CSN1S1: variants seen among roughly 807,000 people sequenced by gnomAD.
CSN1S1 encodes the protein alpha-S1-casein.
A neutral mutation model predicts 49.1 loss-of-function variants in CSN1S1; 63 were observed. That is an observed-to-expected ratio of 1.28 (90% CI 1.05 to 1.58). The LOEUF (loss-of-function observed/expected upper bound fraction) is 1.58. Among genes scored for constraint, CSN1S1 ranks in the 40% most tolerant of loss-of-function variants. The pLI, the probability that CSN1S1 is intolerant of heterozygous loss-of-function variation, is 0.00. For synonymous variants in CSN1S1, 78 were observed against 67.1 expected (o/e 1.16, Z -0.79); for missense variants, 260 against 224.7 (o/e 1.16, Z -1.01).
chr4:69,935,916 T>C lies in CSN1S1; in HGVS notation c.106-10T>C, dbSNP rs774526051. ...ATGAATGAATTTTAACATAACTTTTTTTTTTGTAGCCTATACCATTAGAAT... is the reference window on the plus strand; with the variant it reads ...ATGAATGAATTTTAACATAACTTTTCTTTTTGTAGCCTATACCATTAGAAT... On this transcript the variant is annotated splice_polypyrimidine_tract_variant and intron_variant, in intron 4 of 15. Transcript: ENST00000246891. 38 of 1,515,278 alleles carry C rather than the reference T, an allele frequency of 2.5e-5. No individual in the cohort carries two copies. The African/African-American group carries it at 4.3e-4, about 17-fold the overall frequency. 93.9% of individuals were successfully genotyped at this position (1,515,278 alleles called of 1,614,324 possible). A position where few individuals can be genotyped will look rare whatever the true frequency, so the allele number is the denominator to read the frequency against.
At chr4:69,937,629 C>G (rs938432980) in intron 8 of CSN1S1, among the ~76,000 whole-genome samples, 171 bp from the exon 9 acceptor site, 1 of 151,692 alleles carries the variant, frequency 6.6e-6, no homozygotes, top group African/African-American at 2.4e-5. Flanking sequence ...CTTCAAAATG[C>G]AGATTCATTT....
chr4:69,934,977 A>G (rs1469969060), intron 4 of CSN1S1, among the ~76,000 whole-genome samples: 1 of 152,136 alleles, frequency 6.6e-6, no homozygotes, highest in Non-Finnish European at 1.5e-5. Flanking sequence ...TTTAGATTGT[A>G]AAATTAGATC....
chr4:69,931,915 A>C (rs541369998), intron 1 of CSN1S1, among the ~76,000 whole-genome samples: 1 of 151,970 alleles, frequency 6.6e-6, no homozygotes. Context: ...ATCCAATTCA[A>C]TCATCTTTAT....
At chr4:69,938,270 T>C (rs539201606) in intron 9 of CSN1S1, among the ~76,000 whole-genome samples, 105 of 151,868 alleles carry the variant, frequency 6.9e-4, no homozygotes, top group African/African-American at 2.2e-3. Flanking sequence ...TAGACACAGG[T>C]AGTGAGCATA....
chr4:69,946,058 T>C (rs1723155248), intron 15 of CSN1S1, 138 bp from the exon 16 acceptor site: 1 of 329,326 alleles, frequency 3.0e-6, no homozygotes, highest in South Asian at 1.3e-4. Context: ...GGTATGTCAG[T>C]AACAGGAAAG....
chr4:69,938,647 T>C (rs1722882743), intron 9 of CSN1S1, among the ~76,000 whole-genome samples: 1 of 151,782 alleles, frequency 6.6e-6, no homozygotes, highest in African/African-American at 2.4e-5. Flanking sequence ...ATTATATGTA[T>C]ATATAAATAT....
chr4:69,935,881 T>TAACTC, intron 4 of CSN1S1, 45 bp from the exon 5 acceptor site: 1 of 1,232,318 alleles, frequency 8.1e-7, no homozygotes, highest in Non-Finnish European at 1.2e-6. Flanking sequence ...ATTTGATAGA[T>TAACTC]AACTCAACTA....
chr4:69,945,062 G>C (rs749395625), intron 15 of CSN1S1, 58 bp downstream of exon 15: 1 of 1,560,122 alleles, frequency 6.4e-7, no homozygotes, highest in Non-Finnish European at 8.8e-7. Flanking sequence ...AAATAGAATA[G>C]CTTGGAGAGG....
rs367816259 is a variant in CSN1S1 at position 69,934,727 on chromosome 4, G to T, written c.105+17G>T. 73 of 1,605,784 alleles carry T rather than the reference G, an allele frequency of 4.5e-5. No homozygotes were observed. In the African/African-American group the frequency reaches 8.4e-4, roughly 19 times the overall value. On this transcript the variant is annotated intron_variant, in intron 4 of 15. Coordinates refer to ENST00000246891, the MANE Select transcript of CSN1S1 (RefSeq NM_001890.2). Reference sequence around the variant, plus strand: ...AGCAGTGAGGTAAGCTCTGTTTATGGGGAGTCAGGATTCTCTCTTCCTTTT... The same window carrying T: ...AGCAGTGAGGTAAGCTCTGTTTATGTGGAGTCAGGATTCTCTCTTCCTTTT...
chr4:69,942,137 C>A, intron 13 of CSN1S1, 74 bp downstream of exon 13: 1 of 873,952 alleles, frequency 1.1e-6, no homozygotes, highest in African/African-American at 1.7e-5. Context: ...GCATGATTCT[C>A]TTTTAACATA....
chr4:69,937,602 G>A (rs553881940), intron 8 of CSN1S1, among the ~76,000 whole-genome samples, 198 bp from the exon 9 acceptor site: 2 of 151,574 alleles, frequency 1.3e-5, no homozygotes, highest in African/African-American at 2.4e-5. Flanking sequence ...AGAAGAATCC[G>A]AAACGTTTTA....
At chr4:69,944,425 G>A (rs1371255465) in intron 14 of CSN1S1, among the ~76,000 whole-genome samples, 1 of 151,854 alleles carries the variant, frequency 6.6e-6, no homozygotes, top group Non-Finnish European at 1.5e-5. Flanking sequence ...CAGCTATGTT[G>A]ACCCTGGGTG....
chr4:69,932,662 A>G, intron 2 of CSN1S1, 56 bp downstream of exon 2: 7 of 1,398,356 alleles, frequency 5.0e-6, no homozygotes, highest in Non-Finnish European at 7.0e-6. Flanking sequence ...ATGACCTGAC[A>G]CTTCATCAAA....
chr4:69,939,294 G>C (rs1028722853), intron 10 of CSN1S1, 86 bp downstream of exon 10: 1 of 961,186 alleles, frequency 1.0e-6, no homozygotes, highest in African/African-American at 1.6e-5. Flanking sequence ...TATCCCTTAA[G>C]GTCTCATTGT....
chr4:69,942,465 G>A, intron 13 of CSN1S1, 71 bp from the exon 14 acceptor site: 1 of 1,165,746 alleles, frequency 8.6e-7, no homozygotes, highest in Non-Finnish European at 1.3e-6. Flanking sequence ...TATACTTCTG[G>A]TGCAATGTAA....
intron 2 of CSN1S1, among the ~76,000 whole-genome samples, 180 bp from the exon 3 acceptor site, chr4:69,934,029 TATG>T (rs1722691641): frequency 2.0e-5 from 3 of 152,034 alleles, no homozygotes; most frequent in African/African-American, 7.2e-5. Context: ...TAAAAATAAT[TATG>T]ATTTCTTTTT....
In CSN1S1 at chr4:69,932,519, C is replaced by G. The variant is rs377095042; in HGVS notation, c.-12-25C>G. ...AAATTTAACGTAATAATATCTAACT[C>G]TTTCTTTTTTGTTCTCTTACATAGG... On this transcript the variant is annotated intron_variant, in intron 1 of 15. Coordinates refer to ENST00000246891, the MANE Select transcript of CSN1S1 (RefSeq NM_001890.2). The G allele has an allele frequency of 3.8e-6, 6 of 1,567,382 alleles. No homozygotes were observed. The East Asian group carries it at 6.9e-5, about 18-fold the overall frequency.
chr4:69,942,998 GAGAA>G (rs1173133926), intron 14 of CSN1S1, among the ~76,000 whole-genome samples: 3 of 147,216 alleles, frequency 2.0e-5, no homozygotes, highest in African/African-American at 7.4e-5. Flanking sequence ...TCCACAACTA[GAGAA>G]AGAAACTTTT....
intron 10 of CSN1S1, 82 bp from the exon 11 acceptor site, chr4:69,939,939 A>G (rs1276026635): frequency 1.3e-6 from 1 of 793,378 alleles, no homozygotes; most frequent in East Asian, 2.9e-5. Flanking sequence ...ATTTAGTAAT[A>G]GTTTTGTTGA....
Sources: allele counts gnomAD v4.1 joint callset (sites outside exome capture counted in the v4.1 genomes callset), GRCh38; gene constraint gnomAD v4.1.1; transcripts MANE v1.5; gene names NCBI Gene and HGNC (gene_info 2026-07-23, HGNC 2026-07-21).